Variants in TENM3 observed in about 807,000 individuals in gnomAD.
TENM3 encodes teneurin-3.
A neutral mutation model predicts 255.1 loss-of-function variants in TENM3; 63 were observed. The observed-to-expected ratio is 0.25, with a 90% CI of 0.20 to 0.30. The LOEUF is 0.30. Among genes scored for constraint, TENM3 ranks in the 10% least tolerant of loss-of-function variants. TENM3 has a pLI of 1.00. For synonymous variants in TENM3, 1,306 were observed against 1,322.3 expected (o/e 0.99, Z 0.27); for missense variants, 2,929 against 3,461.1 (o/e 0.85, Z 3.86).
chr4:182,773,671 A>C, intron 23 of TENM3, 24 bp downstream of exon 23: 1 of 1,598,574 alleles, frequency 6.3e-7, no homozygotes, highest in South Asian at 1.1e-5. Context: ...CATCATTTTA[A>C]ACAAGTACCA....
At chr4:182,411,561 A>G (rs1002149988) in intron 3 of TENM3, among the ~76,000 whole-genome samples, 1 of 152,214 alleles carries the variant, frequency 6.6e-6, no homozygotes, top group African/African-American at 2.4e-5. Context: ...CATATGGGTA[A>G]GTCTGGAGGG....
chr4:182,319,091 TTTTTTTG>T (rs1762903606), intron 1 of TENM3, among the ~76,000 whole-genome samples: 1 of 152,176 alleles, frequency 6.6e-6, no homozygotes, highest in Admixed American at 6.5e-5. Context: ...CTTTTGTTTG[TTTTTTTG>T]TTTTTTGTTT....
chr4:181,486,863 T>G, the TENM3 span, among the ~76,000 whole-genome samples: 1 of 152,206 alleles, frequency 6.6e-6, no homozygotes, highest in Non-Finnish European at 1.5e-5. Flanking sequence ...CATTGGCATC[T>G]GGTACATGTT....
chr4:182,502,308 A>G (rs1736396939), intron 3 of TENM3, among the ~76,000 whole-genome samples: 1 of 152,046 alleles, frequency 6.6e-6, no homozygotes, highest in African/African-American at 2.4e-5. Context: ...TACTTCATTC[A>G]TTGTGCTGAG....
At chr4:182,436,722 C>G (rs1005994413) in intron 3 of TENM3, among the ~76,000 whole-genome samples, 2 of 152,128 alleles carry the variant, frequency 1.3e-5, no homozygotes, top group Non-Finnish European at 1.5e-5. Context: ...AAAAAATGCA[C>G]CAGTGCAATT....
At chr4:181,934,522 T>G in the TENM3 span, among the ~76,000 whole-genome samples, 6 of 152,146 alleles carry the variant, frequency 3.9e-5, no homozygotes, top group Non-Finnish European at 8.8e-5. Context: ...ATTAGCTGGT[T>G]TTAAATTATT....
intron 4 of TENM3, among the ~76,000 whole-genome samples, chr4:182,615,783 TTGACTC>T (rs765603126): frequency 1.3e-5 from 2 of 152,144 alleles, no homozygotes; most frequent in Non-Finnish European, 2.9e-5. Flanking sequence ...TTTAAGCCCT[TTGACTC>T]TGAGATCCAA....
chr4:182,169,029 G>A (rs1751914137), intron 1 of TENM3, among the ~76,000 whole-genome samples: 3 of 151,410 alleles, frequency 2.0e-5, no homozygotes, highest in Admixed American at 2.0e-4. Flanking sequence ...ACAGCTATAT[G>A]AGGGAAAACG....
At chr4:182,311,488 A>C (rs577581934) in intron 1 of TENM3, among the ~76,000 whole-genome samples, 21 of 152,198 alleles carry the variant, frequency 1.4e-4, no homozygotes, top group African/African-American at 5.1e-4. Context: ...TATAGTCCAG[A>C]GGTTAAGAGG....
chr4:181,753,084 A>T, the TENM3 span, among the ~76,000 whole-genome samples: 5 of 152,170 alleles, frequency 3.3e-5, no homozygotes, highest in Admixed American at 6.6e-5. Flanking sequence ...TAAAGGACAT[A>T]AGAATCCTCA....
At chr4:182,185,054 G>T (rs1056218888) in intron 1 of TENM3, among the ~76,000 whole-genome samples, 6 of 150,900 alleles carry the variant, frequency 4.0e-5, no homozygotes, top group Non-Finnish European at 7.4e-5. Flanking sequence ...CTGCACTCCA[G>T]CCTGGACAAC....
chr4:182,064,574 T>C, the TENM3 span, among the ~76,000 whole-genome samples: 5 of 148,804 alleles, frequency 3.4e-5, no homozygotes, highest in Admixed American at 6.6e-5. Context: ...GAGCGAGACT[T>C]TGTCTCAAAA....
intron 3 of TENM3, among the ~76,000 whole-genome samples, chr4:182,562,034 A>G (rs1020985158): frequency 6.6e-6 from 1 of 151,840 alleles, no homozygotes; most frequent in Non-Finnish European, 1.5e-5. Context: ...ATAGATAGAT[A>G]CACACCCTAA....
At chr4:182,025,019 CATTTTTTT>C in the TENM3 span, among the ~76,000 whole-genome samples, 1 of 92,192 alleles carries the variant, frequency 1.1e-5, no homozygotes, top group African/African-American at 3.9e-5. Flanking sequence ...GACAGGATTT[CATTTTTTT>C]TTTTTTTTTT....
the TENM3 span, among the ~76,000 whole-genome samples, chr4:182,071,861 G>C: frequency 2.0e-5 from 3 of 151,648 alleles, no homozygotes; most frequent in Non-Finnish European, 4.4e-5. Flanking sequence ...TGTACTTCAG[G>C]GCCTTTTAAA....
the TENM3 span, among the ~76,000 whole-genome samples, chr4:181,620,525 C>A: frequency 6.6e-6 from 1 of 151,968 alleles, no homozygotes; most frequent in Non-Finnish European, 1.5e-5. Context: ...ACAGGTCAGC[C>A]CCGCATTGTT....
At chr4:182,001,565 C>T in the TENM3 span, among the ~76,000 whole-genome samples, 1 of 151,986 alleles carries the variant, frequency 6.6e-6, no homozygotes, top group South Asian at 2.1e-4. Flanking sequence ...TCTTTCAGAC[C>T]AATATGGTAC....
At chr4:182,116,089 A>G in the TENM3 span, among the ~76,000 whole-genome samples, 1 of 152,178 alleles carries the variant, frequency 6.6e-6, no homozygotes, top group African/African-American at 2.4e-5. Context: ...CACTCTTAGT[A>G]TGTACATTCT....
chr4:181,941,445 A>G, the TENM3 span, among the ~76,000 whole-genome samples: 4 of 151,994 alleles, frequency 2.6e-5, no homozygotes, highest in African/African-American at 9.7e-5. Context: ...CTGATCTGCT[A>G]TTAAGCTCAT....
Sources: gnomAD v4.1 joint callset for allele counts (sites outside exome capture counted in the v4.1 genomes callset) on GRCh38, gnomAD v4.1.1 for gene constraint, MANE v1.5 for transcripts, NCBI Gene and HGNC (gene_info 2026-07-23, HGNC 2026-07-21) for gene names.